COL10A1: variants seen among roughly 807,000 people sequenced by gnomAD.
COL10A1 encodes the protein collagen type X alpha 1 chain, also known as collagen alpha-1(X) chain.
COL10A1 carries 10 observed loss-of-function variants against 18.2 expected under a neutral mutation model. That is an observed-to-expected ratio of 0.55 (90% CI 0.34 to 0.93). The LOEUF is 0.93. Among genes scored for constraint, COL10A1 ranks in the 40% least tolerant of loss-of-function variants. The pLI, the probability that COL10A1 is intolerant of heterozygous loss-of-function variation, is 0.02. For missense variants in COL10A1, 897 were observed against 853.5 expected, an observed-to-expected ratio of 1.05 and a Z score of -0.64; for synonymous variants, 330 against 316.6, an observed-to-expected ratio of 1.04 and a Z score of -0.45.
chr6:116,179,564 C>T, the COL10A1 span, among the ~76,000 whole-genome samples: 20 of 152,110 alleles, frequency 1.3e-4, no homozygotes, highest in Non-Finnish European at 2.1e-4. Context: ...ATCAGGGAAA[C>T]GCAAATCAAA....
chr6:116,147,623 T>C (rs1246132672), intron 1 of COL10A1, among the ~76,000 whole-genome samples: 1 of 152,150 alleles, frequency 6.6e-6, no homozygotes, highest in Non-Finnish European at 1.5e-5. Flanking sequence ...CTTAAACCTA[T>C]GCAAAGATTT....
the COL10A1 span, among the ~76,000 whole-genome samples, chr6:116,184,251 C>G: frequency 6.6e-6 from 1 of 152,004 alleles, no homozygotes; most frequent in Non-Finnish European, 1.5e-5. Flanking sequence ...ATATGAAACC[C>G]ACTTGATCAT....
chr6:116,125,483 G>T lies in COL10A1; in HGVS notation c.10C>A (p.Gln4Lys). The change falls in exon 2 of 3, where the codon CAA becomes AAA. Residue 4 changes from glutamine (Q) to lysine (K), a missense_variant. Gln to Lys is a moderately conservative substitution (Grantham distance 53). Coordinates refer to ENST00000651968, the MANE Select transcript of COL10A1 (RefSeq NM_000493.4). The stretch of plus-strand genomic sequence containing the variant: ...GATACTAGCAGCAAAAAGGGTATTT[G>T]TGGCAGCATATTCTCAGATGGATTC... MLP[Q>K]IPFLLLVSLN... 1 of 1,613,734 alleles carries T rather than the reference G, an allele frequency of 6.2e-7. No individual in the cohort carries two copies. Among genetic ancestry groups the T allele is most frequent in the South Asian group, 1.1e-5 (1 of 91,076 alleles).
In COL10A1 at chr6:116,119,499, A is replaced by G. The variant is rs1020028997; in HGVS notation, c.*574T>C. ...CTTTAACAAGTATATATGCACCTGT[A>G]TATTTGAATAGATATTGATGAAAGG... is the stretch of plus-strand genomic sequence containing the variant. On this transcript the variant is annotated 3_prime_UTR_variant, in exon 3 of 3. Transcript: ENST00000651968. 1.3e-5 allele frequency: 2 copies of G among 153,116 alleles called. No homozygotes were observed. Among genetic ancestry groups the G allele is most frequent in the African/African-American group, 4.8e-5 (2 of 41,468 alleles). 9.5% of individuals were successfully genotyped at this position (153,116 alleles called of 1,614,324 possible).
chr6:116,172,329 T>TG, the COL10A1 span, among the ~76,000 whole-genome samples: 1 of 147,810 alleles, frequency 6.8e-6, no homozygotes, highest in Non-Finnish European at 1.5e-5. Context: ...TTTTTTTTTT[T>TG]TTTTTTTTTT....
chr6:116,182,968 GT>G, the COL10A1 span, among the ~76,000 whole-genome samples: 2 of 151,954 alleles, frequency 1.3e-5, no homozygotes, highest in African/African-American at 4.8e-5. Flanking sequence ...GTCTAGAAGG[GT>G]TTTTCCACTG....
the COL10A1 span, among the ~76,000 whole-genome samples, chr6:116,167,670 G>C: frequency 1.8e-4 from 28 of 151,886 alleles, no homozygotes; most frequent in African/African-American, 6.5e-4. Context: ...TAATTTGTTT[G>C]AATTGTTCAT....
At chr6:116,178,028 C>T in the COL10A1 span, among the ~76,000 whole-genome samples, 2 of 149,224 alleles carry the variant, frequency 1.3e-5, no homozygotes, top group Non-Finnish European at 3.0e-5. Context: ...GTATGTCTAG[C>T]TTTCATAACT....
chr6:116,118,919 C>G lies in COL10A1; in HGVS notation c.*1154G>C, dbSNP rs1582810595. On this transcript the variant is annotated 3_prime_UTR_variant, in exon 3 of 3. Coordinates refer to ENST00000651968, the MANE Select transcript of COL10A1 (RefSeq NM_000493.4). ...TATCCATGACAACTGTAAAAGCCAC[C>G]CATCACTTTATTGTCCTACTTTTTT... 6.6e-6 allele frequency: 1 copy of G among 152,272 alleles called. No individual in the cohort carries two copies. The highest frequency in any genetic ancestry group is 1.9e-4 in the East Asian group (1 of 5,178). The allele number at this position is 152,272 out of a possible 1,614,324, so 9.4% of individuals were successfully genotyped here.
chr6:116,161,494 T>C (rs905573131), upstream of COL10A1, among the ~76,000 whole-genome samples: 4 of 152,026 alleles, frequency 2.6e-5, no homozygotes, highest in African/African-American at 9.7e-5. Context: ...TTGAGTAGGG[T>C]ATCCTTTCCC....
At chr6:116,154,405 G>A (rs898802096) in intron 1 of COL10A1, among the ~76,000 whole-genome samples, 5 of 151,908 alleles carry the variant, frequency 3.3e-5, no homozygotes, top group African/African-American at 9.7e-5. Context: ...GTTATTACTT[G>A]TTTTCTTACC....
At chr6:116,187,879 C>T in the COL10A1 span, among the ~76,000 whole-genome samples, 1 of 151,852 alleles carries the variant, frequency 6.6e-6, no homozygotes, top group African/African-American at 2.4e-5. Flanking sequence ...AAACATTAAA[C>T]GTCTCTCTTC....
At chr6:116,125,194 C>T in intron 2 of COL10A1, 145 bp downstream of exon 2, 2 of 819,466 alleles carry the variant, frequency 2.4e-6, no homozygotes, top group East Asian at 2.6e-5. Context: ...ACTTTTTTCA[C>T]AGATCACTTT....
chr6:116,165,159 A>G, the COL10A1 span, among the ~76,000 whole-genome samples: 1 of 151,824 alleles, frequency 6.6e-6, no homozygotes, highest in Non-Finnish European at 1.5e-5. Flanking sequence ...GTCTAAAACT[A>G]GATCCCTGTC....
chr6:116,152,776 C>A (rs10440871), intron 1 of COL10A1, among the ~76,000 whole-genome samples: 5,253 of 152,126 alleles, frequency 0.035, 282 homozygotes, highest in African/African-American at 0.11. Context: ...TAATATAGTT[C>A]TTGGCACCAT....
Position 116,150,521 on chromosome 6 carries a change from G to A in COL10A1, c.-16+8093C>T, listed in dbSNP as rs549572824. On this transcript the variant is annotated intron_variant, in intron 1 of 1. Transcript: ENST00000418500. ...GCTGGTCTCGAATGTGTGACCTCAA[G>A]TGATCCACCTGCCTCGGCCTCCCAA... 9.9e-5 allele frequency among the ~76,000 whole-genome samples: 15 copies of A among 152,272 alleles called. No individual in the cohort carries two copies. The South Asian group carries it at 2.5e-3, about 25-fold the overall frequency.
At chr6:116,214,951 C>A in the COL10A1 span, among the ~76,000 whole-genome samples, 2 of 152,050 alleles carry the variant, frequency 1.3e-5, no homozygotes, top group African/African-American at 4.8e-5. Flanking sequence ...GTGTGTATCT[C>A]TGGGGCTCCA....
At chr6:116,160,896 G>A (rs1780311062), upstream of COL10A1, among the ~76,000 whole-genome samples, 1 of 152,116 alleles carries the variant, frequency 6.6e-6, no homozygotes. Flanking sequence ...GCACACGTAT[G>A]TTTATTGCGG....
chr6:116,123,332 G>C (rs1779192182), intron 2 of COL10A1, among the ~76,000 whole-genome samples: 1 of 152,134 alleles, frequency 6.6e-6, no homozygotes, highest in South Asian at 2.1e-4. Context: ...AAAGAATTTG[G>C]CTTCTATTGA....
Sources: allele counts gnomAD v4.1 joint callset (sites outside exome capture counted in the v4.1 genomes callset), GRCh38; gene constraint gnomAD v4.1.1; transcripts MANE v1.5; gene names NCBI Gene and HGNC (gene_info 2026-07-23, HGNC 2026-07-21).